TBC1D22B: variants seen among roughly 807,000 people sequenced by gnomAD.
TBC1D22B encodes the protein TBC1 domain family member 22B.
In TBC1D22B, 32 loss-of-function variants were observed where a neutral mutation model predicts 69.1. The observed-to-expected ratio is 0.46, with a 90% confidence interval of 0.35 to 0.62. The LOEUF (loss-of-function observed/expected upper bound fraction) is 0.62. Among genes scored for constraint, TBC1D22B ranks in the 20% least tolerant of loss-of-function variants. The pLI is 0.00. For synonymous variants in TBC1D22B, 206 were observed against 229.8 expected, an observed-to-expected ratio of 0.90 and a Z score of 0.94; for missense variants, 462 against 630.9, an observed-to-expected ratio of 0.73 and a Z score of 2.87.
intron 4 of TBC1D22B, 96 bp from the exon 5 acceptor site, chr6:37,282,786 T>C: frequency 1.6e-6 from 2 of 1,217,604 alleles, no homozygotes; most frequent in Non-Finnish European, 2.4e-6. Context: ...GTGGTGGTCT[T>C]ACATGGATGG....
rs1263032009 is a variant in TBC1D22B, at chr6:37,267,321, TATAC to T, written c.57-2271_57-2268del. Among the ~76,000 whole-genome samples the T allele has an allele frequency of 1.1e-3, 120 of 111,958 alleles. 3 individuals are homozygous for T. The highest frequency in any genetic ancestry group is 1.4e-3 in the Non-Finnish European group (75 of 53,578). The allele number at this position is 111,958 out of a possible 152,430, so 73.4% of individuals were successfully genotyped here. ...GGGAGGACATACATATATATATATA[TATAC>T]ACACACACATATATAATATATATAT... On this transcript the variant is annotated intron_variant, in intron 1 of 12. Transcript: ENST00000373491.
intron 2 of TBC1D22B, among the ~76,000 whole-genome samples, chr6:37,277,570 A>G (rs1766704874): frequency 6.6e-6 from 1 of 151,204 alleles, no homozygotes; most frequent in African/African-American, 2.4e-5. Context: ...GGTTTAAGCA[A>G]TTCTCCTCCC....
intron 12 of TBC1D22B, among the ~76,000 whole-genome samples, chr6:37,325,751 T>C (rs960850935): frequency 2.0e-5 from 3 of 152,022 alleles, no homozygotes; most frequent in Non-Finnish European, 4.4e-5. Flanking sequence ...GGTTTCACCA[T>C]GTTAGCCAGG....
At chr6:37,327,332 G>A (rs9394430) in intron 12 of TBC1D22B, among the ~76,000 whole-genome samples, 3 of 135,850 alleles carry the variant, frequency 2.2e-5, no homozygotes, top group Non-Finnish European at 4.6e-5. Flanking sequence ...CAAAAAATTA[G>A]CCGGGCGTGG....
intron 7 of TBC1D22B, among the ~76,000 whole-genome samples, chr6:37,287,833 A>G (rs534413804): frequency 1.2e-4 from 18 of 152,298 alleles, no homozygotes; most frequent in Admixed American, 6.5e-5. Flanking sequence ...TGCTGCTAGT[A>G]TGGGTATGTG....
chr6:37,297,343 C>T (rs1767417306), intron 8 of TBC1D22B, among the ~76,000 whole-genome samples: 1 of 152,074 alleles, frequency 6.6e-6, no homozygotes, highest in South Asian at 2.1e-4. Context: ...TAGCTGTAGC[C>T]CTTGTTTTTC....
intron 8 of TBC1D22B, among the ~76,000 whole-genome samples, chr6:37,304,829 C>T (rs757721645): frequency 6.6e-6 from 1 of 152,084 alleles, no homozygotes; most frequent in Non-Finnish European, 1.5e-5. Context: ...TGGGCAGAAA[C>T]AGACAATCAA....
chr6:37,286,872 A>G lies in TBC1D22B; in HGVS notation c.802-135A>G, dbSNP rs892310951. 3 of 688,180 alleles carry G rather than the reference A, an allele frequency of 4.4e-6. No homozygotes were observed. In the African/African-American group the frequency reaches 5.7e-5, roughly 13 times the overall value. 42.6% of individuals were successfully genotyped at this position (688,180 alleles called of 1,614,324 possible). A position where few individuals can be genotyped will look rare whatever the true frequency, so the allele number is the denominator to read the frequency against. On this transcript the variant is annotated intron_variant, in intron 6 of 12. Transcript: ENST00000373491. Reference sequence around the variant, plus strand: ...GGCAGGAGAATCGCTTGAACCCTGGAGGCAGAGGTTGCAGTGAGCTGAGAT... The same window carrying G: ...GGCAGGAGAATCGCTTGAACCCTGGGGGCAGAGGTTGCAGTGAGCTGAGAT...
intron 8 of TBC1D22B, among the ~76,000 whole-genome samples, chr6:37,304,592 G>A (rs144182562): frequency 0.012 from 1,809 of 152,260 alleles, 31 homozygotes; most frequent in Middle Eastern, 0.044. Context: ...TATCTATGGC[G>A]ATAGAAATGA....
At chr6:37,299,132 A>AAAC (rs1767487317) in intron 8 of TBC1D22B, among the ~76,000 whole-genome samples, 1 of 152,140 alleles carries the variant, frequency 6.6e-6, no homozygotes, top group Non-Finnish European at 1.5e-5. Context: ...CAGATAAACC[A>AAAC]TGGTTTGTGT....
chr6:37,325,798 A>C (rs4714054), intron 12 of TBC1D22B, among the ~76,000 whole-genome samples: 136,674 of 152,118 alleles, frequency 0.9, 61,457 homozygotes, highest in African/African-American at 0.94. Flanking sequence ...AATCCACCCA[A>C]CTCTGCCTCC....
intron 1 of TBC1D22B, chr6:37,258,290 T>C (rs1765905691): frequency 6.0e-6 from 2 of 334,718 alleles, no homozygotes; most frequent in East Asian, 1.3e-4. Flanking sequence ...GTCTCGGAAG[T>C]TCCTCCCCAG....
chr6:37,321,770 G>A (rs1768250855), intron 12 of TBC1D22B, among the ~76,000 whole-genome samples: 1 of 152,350 alleles, frequency 6.6e-6, no homozygotes, highest in East Asian at 1.9e-4. Flanking sequence ...GCCTGCTTGG[G>A]CCCTTGTGGA....
chr6:37,259,909 A>C (rs1343994841), intron 1 of TBC1D22B, among the ~76,000 whole-genome samples: 1 of 152,188 alleles, frequency 6.6e-6, no homozygotes, highest in Non-Finnish European at 1.5e-5. Flanking sequence ...ATAGTTGCTC[A>C]AAAAAACAGT....
At chr6:37,321,673 TC>T (rs1768247638) in intron 12 of TBC1D22B, among the ~76,000 whole-genome samples, 1 of 152,080 alleles carries the variant, frequency 6.6e-6, no homozygotes, top group Non-Finnish European at 1.5e-5. Context: ...GCTCTAATGC[TC>T]CAGGGTGGAC....
Position 37,271,402 on chromosome 6 carries a change from C to G in TBC1D22B, c.113+1752C>G, listed in dbSNP as rs117561640. Reference sequence around the variant, plus strand: ...AACCCACAGAATGTACAAGAGTGAACCCTAACTCAAACTACTGACTTTGAG... The same window carrying G: ...AACCCACAGAATGTACAAGAGTGAAGCCTAACTCAAACTACTGACTTTGAG... On this transcript the variant is annotated intron_variant, in intron 2 of 12. Transcript: ENST00000373491. Among the ~76,000 whole-genome samples the G allele has an allele frequency of 3.3e-5, 5 of 152,274 alleles. No homozygotes were observed. The East Asian group carries it at 7.7e-4, about 23-fold the overall frequency.
At chr6:37,321,382 C>T (rs1768239822) in intron 12 of TBC1D22B, among the ~76,000 whole-genome samples, 1 of 152,168 alleles carries the variant, frequency 6.6e-6, no homozygotes, top group South Asian at 2.1e-4. Context: ...TAGGTTTCCA[C>T]CTCCCTCAAG....
Position 37,279,546 on chromosome 6 carries a change from C to T in TBC1D22B, c.356C>T (p.Ser119Leu), listed in dbSNP as rs143626306. ...VKPERSQSTT[S>L]DVPANYKVIK... Reference sequence around the variant, plus strand: ...CCAGAACGGTCCCAGTCAACGACATCGGACGTCCCTGCCAACTACAAGGTC... The same window carrying T: ...CCAGAACGGTCCCAGTCAACGACATTGGACGTCCCTGCCAACTACAAGGTC... Residue 119 changes from serine to leucine, a missense_variant, in exon 3 of 13, where the codon TCG (serine) becomes TTG (leucine). By Grantham distance (145) the Ser-to-Leu change is moderately radical. This residue lies in a region of TBC1D22B where 237 missense variants were observed against 255.4 expected (regional missense o/e 0.93). Coordinates refer to ENST00000373491, the MANE Select transcript of TBC1D22B (RefSeq NM_017772.4). The T allele has an allele frequency of 2.0e-5, 33 of 1,614,216 alleles. No homozygotes were observed. In the African/African-American group the frequency reaches 3.3e-4, roughly 16 times the overall value.
intron 12 of TBC1D22B, among the ~76,000 whole-genome samples, chr6:37,328,041 C>T (rs1343491414): frequency 6.6e-6 from 1 of 152,042 alleles, no homozygotes; most frequent in Admixed American, 6.6e-5. Context: ...GGGCCAGGCG[C>T]GGTAGCTCAT....
Sources: allele counts gnomAD v4.1 joint callset (sites outside exome capture counted in the v4.1 genomes callset), GRCh38; gene constraint gnomAD v4.1.1; regional missense constraint gnomAD v4.1.1; transcripts MANE v1.5; gene names NCBI Gene and HGNC (gene_info 2026-07-23, HGNC 2026-07-21).